Variants in EIPR1 observed in about 807,000 individuals in gnomAD.
EIPR1 encodes the protein EARP complex and GARP complex interacting protein 1.
In EIPR1, 25 loss-of-function variants were observed where a neutral mutation model predicts 48.1. The observed-to-expected ratio is 0.52, with a 90% CI of 0.38 to 0.73. The LOEUF (loss-of-function observed/expected upper bound fraction) is 0.73, where lower values mean the gene tolerates loss of function less well. Ranked by LOEUF, EIPR1 falls within the 30% of genes least tolerant of loss-of-function variation. The probability of loss-of-function intolerance (pLI) is 0.00; values close to 1 mark genes in which losing one functional copy is unlikely to be tolerated. For synonymous variants in EIPR1, 204 were observed against 201.9 expected (o/e 1.01, Z -0.09); for missense variants, 415 against 506.2 (o/e 0.82, Z 1.73).
At chr2:3,375,532 T>C (rs548951527) in intron 1 of EIPR1, among the ~76,000 whole-genome samples, 42 of 152,312 alleles carry the variant, frequency 2.8e-4, no homozygotes, top group African/African-American at 9.6e-4. Flanking sequence ...AGAGTATGCA[T>C]CTTCAGGTAG....
intron 4 of EIPR1, among the ~76,000 whole-genome samples, chr2:3,241,394 T>A (rs1666622890): frequency 6.6e-6 from 1 of 152,184 alleles, no homozygotes; most frequent in African/African-American, 2.4e-5. Flanking sequence ...TACGTAGCAA[T>A]CCCTATAATC....
intron 2 of EIPR1, chr2:3,353,399 C>T: frequency 2.3e-6 from 1 of 439,956 alleles, no homozygotes; most frequent in South Asian, 1.7e-5. Flanking sequence ...TTTAACATCC[C>T]ACCAAATCAT....
intron 3 of EIPR1, among the ~76,000 whole-genome samples, chr2:3,308,474 C>G (rs1291655141): frequency 3.3e-5 from 5 of 151,874 alleles, no homozygotes; most frequent in African/African-American, 1.2e-4. Context: ...AGGAAATGTC[C>G]AATTTGAACA....
At chr2:3,199,265 C>T (rs754855221) in intron 5 of EIPR1, among the ~76,000 whole-genome samples, 2 of 152,080 alleles carry the variant, frequency 1.3e-5, no homozygotes, top group Non-Finnish European at 2.9e-5. Flanking sequence ...TCTTAAGGTG[C>T]CCAGATTTCA....
chr2:3,338,659 A>G (rs1418100436), intron 2 of EIPR1, among the ~76,000 whole-genome samples: 2 of 152,198 alleles, frequency 1.3e-5, no homozygotes, highest in African/African-American at 2.4e-5. Context: ...AAGGTGGGAG[A>G]GAGTGAGAAA....
At position 3,208,719 on chromosome 2, in the gene EIPR1, A is replaced by G. The variant is rs747365551; in HGVS notation, c.516+5430T>C. The G allele has an allele frequency of 1.9e-6, 3 of 1,549,158 alleles. No homozygotes were observed. The East Asian group carries it at 7.3e-5, about 38-fold the overall frequency. On this transcript the variant is annotated intron_variant, in intron 5 of 8. Coordinates refer to ENST00000382125, the MANE Select transcript of EIPR1 (RefSeq NM_003310.5). ...GAAACACTCGGCGGGTCCTTCTTCC[A>G]TGCGTGAGGCTCGTGGCGGGTCCTT...
At chr2:3,355,515 A>T (rs959859784) in intron 1 of EIPR1, among the ~76,000 whole-genome samples, 1 of 152,226 alleles carries the variant, frequency 6.6e-6, no homozygotes, top group Admixed American at 6.5e-5. Flanking sequence ...AATCAAAAAT[A>T]GCCAGTCATA....
intron 3 of EIPR1, among the ~76,000 whole-genome samples, chr2:3,326,134 T>C (rs1019124966): frequency 1.3e-5 from 2 of 152,198 alleles, no homozygotes; most frequent in African/African-American, 2.4e-5. Context: ...GTGCTCTAGA[T>C]GCTCAGAGCC....
intron 3 of EIPR1, among the ~76,000 whole-genome samples, chr2:3,272,067 C>T (rs921230434): frequency 2.0e-5 from 3 of 152,230 alleles, no homozygotes; most frequent in Admixed American, 6.5e-5. Flanking sequence ...CCTCCAACCT[C>T]GTGAACCAAC....
chr2:3,236,200 C>T (rs1049492712), intron 4 of EIPR1, among the ~76,000 whole-genome samples: 1 of 152,172 alleles, frequency 6.6e-6, no homozygotes, highest in African/African-American at 2.4e-5. Context: ...TTAAAGTCTA[C>T]AGAATACTGT....
At chr2:3,293,837 G>T (rs184298919) in intron 3 of EIPR1, among the ~76,000 whole-genome samples, 80 of 152,242 alleles carry the variant, frequency 5.3e-4, no homozygotes, top group African/African-American at 1.9e-3. Flanking sequence ...GTCTGTCGCC[G>T]AACACGTTAA....
intron 4 of EIPR1, among the ~76,000 whole-genome samples, chr2:3,225,884 G>A (rs556245663): frequency 5.5e-4 from 83 of 152,274 alleles, no homozygotes; most frequent in African/African-American, 1.6e-3. Flanking sequence ...AGGTGAGATC[G>A]CGCAGTATTT....
intron 3 of EIPR1, among the ~76,000 whole-genome samples, chr2:3,328,983 C>T (rs1235643269): frequency 1.0e-5 from 1 of 99,104 alleles, no homozygotes. Flanking sequence ...TGAATCAGAG[C>T]CCACCCACCA....
intron 2 of EIPR1, among the ~76,000 whole-genome samples, chr2:3,352,727 T>G (rs537394360): frequency 6.6e-6 from 1 of 152,380 alleles, no homozygotes; most frequent in East Asian, 1.9e-4. Context: ...CTGGGCGCAG[T>G]GGCTCACGCC....
intron 2 of EIPR1, among the ~76,000 whole-genome samples, chr2:3,345,462 T>TAAAA (rs58881823): frequency 1.5e-4 from 23 of 151,386 alleles, no homozygotes; most frequent in Non-Finnish European, 3.1e-4. Context: ...CCGTCTCTAC[T>TAAAA]AAAAATATAA....
chr2:3,295,975 A>G (rs376747031), intron 3 of EIPR1, among the ~76,000 whole-genome samples: 6 of 119,648 alleles, frequency 5.0e-5, no homozygotes, highest in African/African-American at 1.6e-4. Flanking sequence ...CTCTCTCTGC[A>G]CACACACCCT....
chr2:3,269,442 C>T (rs201682779), intron 3 of EIPR1, among the ~76,000 whole-genome samples: 1 of 47,912 alleles, frequency 2.1e-5, no homozygotes, highest in African/African-American at 8.9e-5. Flanking sequence ...TCAATCATCA[C>T]CACACTCAAT....
At chr2:3,351,630 T>G (rs1670581264) in intron 2 of EIPR1, among the ~76,000 whole-genome samples, 1 of 152,186 alleles carries the variant, frequency 6.6e-6, no homozygotes, top group Non-Finnish European at 1.5e-5. Context: ...CCTCCTTCCT[T>G]TTCAGGTGGC....
At chr2:3,197,579 C>A (rs926954587) in intron 5 of EIPR1, among the ~76,000 whole-genome samples, 1 of 152,248 alleles carries the variant, frequency 6.6e-6, no homozygotes, top group African/African-American at 2.4e-5. Context: ...AAAACCTCCC[C>A]CTGCCTAAAA....
Sources: allele counts gnomAD v4.1 joint callset (sites outside exome capture counted in the v4.1 genomes callset), GRCh38; gene constraint gnomAD v4.1.1; transcripts MANE v1.5; gene names NCBI Gene and HGNC (gene_info 2026-07-23, HGNC 2026-07-21).